DPYD: variants seen among roughly 807,000 people sequenced by gnomAD.
DPYD encodes dihydropyrimidine dehydrogenase.
In DPYD, 109 loss-of-function variants were observed where a neutral mutation model predicts 116.2. The observed-to-expected ratio is 0.94, with a 90% CI of 0.80 to 1.10. The LOEUF is 1.10. Among genes scored for constraint, DPYD ranks in the 50% least tolerant of loss-of-function variants. The probability of loss-of-function intolerance (pLI) is 0.00; values close to 1 mark genes in which losing one functional copy is unlikely to be tolerated. For synonymous variants in DPYD, 440 were observed against 432.0 expected (o/e 1.02, Z -0.23); for missense variants, 1,302 against 1,254.5 (o/e 1.04, Z -0.57).
chr1:97,425,011 A>G (rs1490544649), intron 14 of DPYD, among the ~76,000 whole-genome samples: 2 of 152,094 alleles, frequency 1.3e-5, no homozygotes, highest in African/African-American at 4.8e-5. Context: ...TCAATTTCAT[A>G]TAAATTTCAC....
At chr1:97,691,836 A>G (rs769848981) in intron 6 of DPYD, 38 bp from the exon 7 acceptor site, 2 of 1,535,504 alleles carry the variant, frequency 1.3e-6, no homozygotes, top group South Asian at 2.2e-5. Flanking sequence ...GCATCAGTAG[A>G]AAAATGACCA....
intron 16 of DPYD, among the ~76,000 whole-genome samples, chr1:97,309,883 T>C (rs909205348): frequency 6.6e-6 from 1 of 151,772 alleles, no homozygotes; most frequent in African/African-American, 2.4e-5. Flanking sequence ...TTAAGGGAGT[T>C]CTATAAATGA....
intron 11 of DPYD, among the ~76,000 whole-genome samples, chr1:97,556,347 T>G (rs146576356): frequency 7.2e-4 from 110 of 152,044 alleles, no homozygotes; most frequent in African/African-American, 2.4e-3. Flanking sequence ...TTTATTTTAT[T>G]ATGATTTTTT....
intron 13 of DPYD, among the ~76,000 whole-genome samples, chr1:97,484,669 T>C (rs1402811732): frequency 3.3e-5 from 5 of 152,228 alleles, no homozygotes; most frequent in Admixed American, 3.3e-4. Context: ...TCCTGTCTTT[T>C]CTTTCCTGTT....
intron 18 of DPYD, among the ~76,000 whole-genome samples, chr1:97,267,579 G>A (rs1664317736): frequency 6.6e-6 from 1 of 151,992 alleles, no homozygotes; most frequent in Non-Finnish European, 1.5e-5. Flanking sequence ...GATTGAACTG[G>A]CAGCCTCAAG....
At chr1:97,478,929 C>T (rs1678147429) in intron 13 of DPYD, among the ~76,000 whole-genome samples, 1 of 152,158 alleles carries the variant, frequency 6.6e-6, no homozygotes, top group Non-Finnish European at 1.5e-5. Flanking sequence ...ATTTCATAAG[C>T]CAACTTCTGT....
intron 19 of DPYD, among the ~76,000 whole-genome samples, chr1:97,220,863 A>T (rs544614144): frequency 2.8e-4 from 43 of 152,202 alleles, no homozygotes; most frequent in African/African-American, 1.0e-3. Flanking sequence ...GATCAATCAC[A>T]CATGCATCTT....
intron 3 of DPYD, among the ~76,000 whole-genome samples, chr1:97,745,560 G>A (rs1157418527): frequency 1.3e-5 from 2 of 151,884 alleles, no homozygotes; most frequent in African/African-American, 2.4e-5. Flanking sequence ...CTATGTCAGG[G>A]GATTATTGGT....
In DPYD at chr1:97,270,282, A is replaced by C. The variant is rs116189810; in HGVS notation, c.2299+34977T>G. ...AAGATATATGGTCATCTTGCGGTTG[A>C]GAGGCATCATAATATTCCAGTAGAA... is the stretch of plus-strand genomic sequence containing the variant. On this transcript the variant is annotated intron_variant, in intron 18 of 22. Transcript: ENST00000370192. 7.4e-3 allele frequency among the ~76,000 whole-genome samples: 1,132 copies of C among 152,306 alleles called. 13 individuals carry two copies. Among genetic ancestry groups the C allele is most frequent in the African/African-American group, 0.026 (1,085 of 41,570 alleles).
intron 2 of DPYD, among the ~76,000 whole-genome samples, chr1:97,870,840 C>T (rs1671619809): frequency 6.6e-6 from 1 of 151,848 alleles, no homozygotes; most frequent in Admixed American, 6.6e-5. Context: ...ATTAAAAACG[C>T]TGCTGCCATT....
intron 16 of DPYD, among the ~76,000 whole-genome samples, chr1:97,319,291 G>T (rs962900534): frequency 6.0e-5 from 9 of 151,050 alleles, no homozygotes; most frequent in Admixed American, 6.6e-5. Flanking sequence ...ATGAATCCAG[G>T]AGCTGGTTTT....
chr1:97,699,521 C>A lies in DPYD; in HGVS notation c.510G>T (p.Gln170His). Reference protein sequence around the residue: ...TEVFKAMSIPQIRNPSLPPPE... With the variant: ...TEVFKAMSIPHIRNPSLPPPE... ...GGGGAGGCAGCGAAGGATTTCTGAT[C>A]TGTGGGATACTCATTGCTTTGAATA... The change falls in exon 6 of 23, where the codon CAG becomes CAT. Residue 170 changes from glutamine (Q) to histidine (H), a missense_variant. Physicochemically the swap from Gln to His is conservative, Grantham distance 24. Transcript: ENST00000370192. 1 of 1,613,410 alleles carries A rather than the reference C, an allele frequency of 6.2e-7. No homozygotes were observed.
At chr1:97,249,207 T>C (rs1303805876) in intron 18 of DPYD, among the ~76,000 whole-genome samples, 1 of 151,612 alleles carries the variant, frequency 6.6e-6, no homozygotes, top group Non-Finnish European at 1.5e-5. Context: ...AAATTTATAG[T>C]AATAAAGACA....
At chr1:97,524,481 G>A (rs1648909419) in intron 12 of DPYD, among the ~76,000 whole-genome samples, 1 of 152,102 alleles carries the variant, frequency 6.6e-6, no homozygotes, top group South Asian at 2.1e-4. Flanking sequence ...AGGGGCTTGT[G>A]GTAAAGTGTA....
At chr1:97,450,293 T>C in intron 13 of DPYD, 70 bp from the exon 14 acceptor site, 1 of 1,545,696 alleles carries the variant, frequency 6.5e-7, no homozygotes, top group South Asian at 1.2e-5. Flanking sequence ...TATCTGCTCA[T>C]TTCCATATGA....
chr1:97,764,194 T>C (rs544750274), intron 3 of DPYD, among the ~76,000 whole-genome samples: 3 of 150,758 alleles, frequency 2.0e-5, no homozygotes, highest in African/African-American at 7.4e-5. Context: ...GAAGATTACA[T>C]AAAGTAAAGA....
intron 20 of DPYD, among the ~76,000 whole-genome samples, chr1:97,112,868 T>C (rs764377670): frequency 2.6e-5 from 4 of 152,150 alleles, no homozygotes; most frequent in Non-Finnish European, 5.9e-5. Flanking sequence ...AAAGATGACA[T>C]CAGCCTGTCT....
chr1:97,278,470 G>A (rs1213504174), intron 18 of DPYD, among the ~76,000 whole-genome samples: 1 of 152,188 alleles, frequency 6.6e-6, no homozygotes, highest in African/African-American at 2.4e-5. Flanking sequence ...GCCGGCACAT[G>A]ACTAAGCTGT....
At chr1:97,527,186 T>C (rs747189644) in intron 12 of DPYD, among the ~76,000 whole-genome samples, 9 of 151,952 alleles carry the variant, frequency 5.9e-5, no homozygotes, top group African/African-American at 1.2e-4. Context: ...TCACGCCATT[T>C]TCCTGTCTCA....
Sources: allele counts gnomAD v4.1 joint callset (sites outside exome capture counted in the v4.1 genomes callset), GRCh38; gene constraint gnomAD v4.1.1; transcripts MANE v1.5; gene names NCBI Gene and HGNC (gene_info 2026-07-23, HGNC 2026-07-21).